Variants in EPHA6 observed in about 807,000 individuals in gnomAD.
EPHA6 encodes the protein ephrin type-A receptor 6.
EPHA6 carries 50 observed loss-of-function variants against 112.0 expected under a neutral mutation model. That is an observed-to-expected ratio of 0.45 (90% CI 0.36 to 0.56). The LOEUF (loss-of-function observed/expected upper bound fraction) is 0.56. Among genes scored for constraint, EPHA6 ranks in the 20% least tolerant of loss-of-function variants. EPHA6 has a pLI of 0.00. For missense variants in EPHA6, 1,280 were observed against 1,417.4 expected (o/e 0.90, Z 1.56); for synonymous variants, 529 against 490.7 (o/e 1.08, Z -1.03).
chr3:97,056,562 T>C (rs1193640495), intron 3 of EPHA6, among the ~76,000 whole-genome samples: 1 of 152,202 alleles, frequency 6.6e-6, no homozygotes, highest in Non-Finnish European at 1.5e-5. Flanking sequence ...ATGTACTGTA[T>C]AACGCCAGAA....
At chr3:96,893,109 T>A (rs1201417517) in intron 2 of EPHA6, among the ~76,000 whole-genome samples, 2 of 152,096 alleles carry the variant, frequency 1.3e-5, no homozygotes, top group Non-Finnish European at 2.9e-5. Flanking sequence ...TATCATAACA[T>A]CATAGCACAA....
chr3:96,908,143 T>A (rs753489704), intron 2 of EPHA6, among the ~76,000 whole-genome samples: 63 of 152,014 alleles, frequency 4.1e-4, no homozygotes, highest in Non-Finnish European at 7.2e-4. Flanking sequence ...CACTAAGCCA[T>A]GTGATATGCA....
intron 14 of EPHA6, among the ~76,000 whole-genome samples, chr3:97,641,584 C>A (rs372431817): frequency 6.6e-6 from 1 of 152,194 alleles, no homozygotes; most frequent in Non-Finnish European, 1.5e-5. Context: ...GTGGGTGCAG[C>A]GCACCATGCG....
intron 11 of EPHA6, among the ~76,000 whole-genome samples, chr3:97,551,949 A>T (rs1014840184): frequency 2.6e-5 from 4 of 152,176 alleles, no homozygotes; most frequent in African/African-American, 7.2e-5. Flanking sequence ...CTTGTTCCCC[A>T]AATGGAGAAA....
intron 14 of EPHA6, among the ~76,000 whole-genome samples, chr3:97,695,953 C>G (rs1030283407): frequency 1.3e-5 from 2 of 152,198 alleles, no homozygotes; most frequent in East Asian, 1.9e-4. Context: ...ATAAACTGAT[C>G]ACTTTTCTTA....
intron 16 of EPHA6, chr3:97,745,283 A>G (rs1284710171): frequency 2.3e-5 from 9 of 394,030 alleles, no homozygotes; most frequent in Non-Finnish European, 4.0e-5. Flanking sequence ...GAATAAATAC[A>G]GCAACAATTC....
At chr3:96,960,327 A>G (rs908571418) in intron 2 of EPHA6, among the ~76,000 whole-genome samples, 4 of 152,072 alleles carry the variant, frequency 2.6e-5, no homozygotes, top group Admixed American at 6.5e-5. Context: ...ATTTCTGGGC[A>G]TGTCATGATC....
At chr3:97,406,084 C>T (rs2087323795) in intron 6 of EPHA6, among the ~76,000 whole-genome samples, 1 of 151,914 alleles carries the variant, frequency 6.6e-6, no homozygotes, top group African/African-American at 2.4e-5. Flanking sequence ...TATGTAATAT[C>T]CAGTGGTATA....
chr3:97,195,444 G>A (rs2077414716), intron 3 of EPHA6, among the ~76,000 whole-genome samples: 1 of 151,806 alleles, frequency 6.6e-6, no homozygotes, highest in Non-Finnish European at 1.5e-5. Context: ...TTATTTTATT[G>A]TTAATGTCTT....
At chr3:97,487,791 T>A (rs2091732806) in intron 10 of EPHA6, among the ~76,000 whole-genome samples, 1 of 152,158 alleles carries the variant, frequency 6.6e-6, no homozygotes, top group Non-Finnish European at 1.5e-5. Flanking sequence ...AGTGAGCAGC[T>A]CTGTTGCATA....
intron 1 of EPHA6, among the ~76,000 whole-genome samples, chr3:96,865,596 C>T (rs924933161): frequency 3.3e-5 from 5 of 150,170 alleles, no homozygotes; most frequent in African/African-American, 4.9e-5. Flanking sequence ...GCAGGGGGAT[C>T]GCCTTGAGTC....
chr3:97,552,070 G>A (rs1031138061), intron 11 of EPHA6, among the ~76,000 whole-genome samples: 2 of 152,120 alleles, frequency 1.3e-5, no homozygotes, highest in Non-Finnish European at 2.9e-5. Flanking sequence ...TAACTGTAAT[G>A]TTTCAAATTA....
intron 2 of EPHA6, among the ~76,000 whole-genome samples, chr3:96,976,635 A>C (rs747530211): frequency 1.3e-5 from 2 of 152,142 alleles, no homozygotes; most frequent in Non-Finnish European, 2.9e-5. Context: ...AATTATGATC[A>C]TCTTTAGACC....
At chr3:97,535,035 C>G (rs2092744038) in intron 11 of EPHA6, among the ~76,000 whole-genome samples, 1 of 139,590 alleles carries the variant, frequency 7.2e-6, no homozygotes, top group Non-Finnish European at 1.5e-5. Context: ...CACATCTATC[C>G]TTTCTCAATC....
intron 5 of EPHA6, among the ~76,000 whole-genome samples, chr3:97,373,992 C>CA (rs1287649320): frequency 6.6e-6 from 1 of 152,022 alleles, no homozygotes; most frequent in East Asian, 1.9e-4. Context: ...TCACTAGAAG[C>CA]AAAACTTTTC....
Position 97,301,091 on chromosome 3 carries a change from G to A in EPHA6, c.1606+56804G>A, listed in dbSNP as rs114797632. On this transcript the variant is annotated intron_variant, in intron 5 of 17. Transcript: ENST00000389672. ...CTGTTGATCCAAATAGTAGTCCTAG[G>A]AACAGTCTTCAGTCCTGGCAATGAT... Among the ~76,000 whole-genome samples the A allele has an allele frequency of 6.2e-3, 944 of 152,142 alleles. 7 individuals are homozygous for A. Among genetic ancestry groups the A allele is most frequent in the African/African-American group, 0.022 (912 of 41,520 alleles).
intron 6 of EPHA6, among the ~76,000 whole-genome samples, chr3:97,446,724 A>C (rs1346120368): frequency 6.6e-6 from 1 of 152,152 alleles, no homozygotes; most frequent in East Asian, 1.9e-4. Flanking sequence ...ATGTTCTAGA[A>C]ATTCCTGCCA....
intron 1 of EPHA6, among the ~76,000 whole-genome samples, chr3:96,821,206 A>G (rs2033225928): frequency 6.6e-6 from 1 of 152,082 alleles, no homozygotes; most frequent in African/African-American, 2.4e-5. Context: ...GATTATTTTG[A>G]GTTACCTTTT....
At chr3:97,066,348 C>A (rs2046178401) in intron 3 of EPHA6, among the ~76,000 whole-genome samples, 1 of 151,880 alleles carries the variant, frequency 6.6e-6, no homozygotes, top group Non-Finnish European at 1.5e-5. Context: ...GTGAAAATTT[C>A]TCTAATAAAT....
Sources: allele counts gnomAD v4.1 joint callset (sites outside exome capture counted in the v4.1 genomes callset), GRCh38; gene constraint gnomAD v4.1.1; transcripts MANE v1.5; gene names NCBI Gene and HGNC (gene_info 2026-07-23, HGNC 2026-07-21).